Variants in GABRG2 observed in about 807,000 individuals in gnomAD.
The protein encoded by GABRG2 is gamma-aminobutyric acid receptor subunit gamma-2.
A neutral mutation model predicts 56.4 loss-of-function variants in GABRG2; 16 were observed. That is an observed-to-expected ratio of 0.28 (90% CI 0.19 to 0.43). The LOEUF (loss-of-function observed/expected upper bound fraction) is 0.43. GABRG2 is among the 20% of genes least tolerant of loss of function. The probability of loss-of-function intolerance (pLI) is 1.00; values close to 1 mark genes in which losing one functional copy is unlikely to be tolerated. For missense variants in GABRG2, 327 were observed against 582.7 expected, an observed-to-expected ratio of 0.56 and a Z score of 4.52; for synonymous variants, 208 against 205.5, an observed-to-expected ratio of 1.01 and a Z score of -0.10.
chr5:162,139,288 CT>C (rs2113581331), intron 6 of GABRG2, among the ~76,000 whole-genome samples: 1 of 152,232 alleles, frequency 6.6e-6, no homozygotes, highest in South Asian at 2.1e-4. Context: ...GCATTTAAAC[CT>C]TTTGGGCTTG....
intron 9 of GABRG2, chr5:162,152,385 A>G (rs1236274426): frequency 2.4e-6 from 1 of 423,378 alleles, no homozygotes; most frequent in Admixed American, 2.6e-5. Context: ...CCAAATTAAC[A>G]TTAAATATAT....
intron 6 of GABRG2, among the ~76,000 whole-genome samples, chr5:162,118,796 T>C (rs2113468678): frequency 6.6e-6 from 1 of 152,244 alleles, no homozygotes; most frequent in South Asian, 2.1e-4. Context: ...TCTAGGGTAT[T>C]ATTAAAGCGA....
At position 162,093,942 on chromosome 5, in the gene GABRG2, G is replaced by A. The variant is rs1433283612; in HGVS notation, c.222G>A (p.Leu74=). The A allele has an allele frequency of 6.2e-7, 1 of 1,613,308 alleles. No homozygotes were observed. The highest frequency in any genetic ancestry group is 1.1e-5 in the South Asian group (1 of 91,076). ...TCACTGTCATCTTAAACAACCTGCTGGAAGGATATGACAATAAACTTCGGC... is the reference window on the plus strand; with the variant it reads ...TCACTGTCATCTTAAACAACCTGCTAGAAGGATATGACAATAAACTTCGGC... The part of the protein sequence containing the change: ...GDVTVILNNL[L]EGYDNKLRPD... The change falls in exon 2 of 10, where the codon CTG becomes CTA. Residue 74 remains leucine (L), a synonymous_variant. Transcript: ENST00000639213.
chr5:162,122,270 G>A (rs1315075672), intron 6 of GABRG2, among the ~76,000 whole-genome samples: 2 of 151,796 alleles, frequency 1.3e-5, no homozygotes, highest in Non-Finnish European at 2.9e-5. Context: ...ATACTTAAAC[G>A]CAATTCATAG....
chr5:162,147,355 CTCTT>C (rs1268904567), intron 7 of GABRG2, among the ~76,000 whole-genome samples: 3 of 147,588 alleles, frequency 2.0e-5, no homozygotes, highest in Non-Finnish European at 3.0e-5. Context: ...TCCTCTGTCT[CTCTT>C]TCTGTCTGTC....
chr5:162,148,475 A>G (rs1765121744), intron 7 of GABRG2, among the ~76,000 whole-genome samples: 1 of 152,216 alleles, frequency 6.6e-6, no homozygotes, highest in Admixed American at 6.5e-5. Context: ...TCACTTACAC[A>G]TAACCCACCT....
intron 1 of GABRG2, among the ~76,000 whole-genome samples, chr5:162,082,113 C>G (rs1467358430): frequency 6.6e-6 from 1 of 151,678 alleles, no homozygotes; most frequent in African/African-American, 2.4e-5. Context: ...ATGTGTTCTG[C>G]CTTGATACTA....
At chr5:162,134,556 CAT>C in intron 6 of GABRG2, among the ~76,000 whole-genome samples, 1 of 152,270 alleles carries the variant, frequency 6.6e-6, no homozygotes, top group East Asian at 1.9e-4. Context: ...GACTCAGAGA[CAT>C]AGAAAAGTTG....
chr5:162,143,817 G>C (rs1764758703), intron 7 of GABRG2, among the ~76,000 whole-genome samples: 1 of 152,106 alleles, frequency 6.6e-6, no homozygotes, highest in South Asian at 2.1e-4. Context: ...AAATAGTAAA[G>C]CCTCAGAAAT....
chr5:162,154,091 T>C lies in GABRG2; in HGVS notation c.*723T>C, dbSNP rs1765560530. On this transcript the variant is annotated 3_prime_UTR_variant, in exon 10 of 10. Coordinates refer to ENST00000639213, the MANE Select transcript of GABRG2 (RefSeq NM_198904.4). ...GGAGGGAGGAATTTTCATTGCCTTC[T>C]CCCTCATGCATGAAGATTCGAACAG... 1 of 152,450 alleles carries C rather than the reference T, an allele frequency of 6.6e-6. No individual in the cohort carries two copies. Among genetic ancestry groups the C allele is most frequent in the South Asian group, 2.1e-4 (1 of 4,826 alleles). The allele number at this position is 152,450 out of a possible 1,614,324, so 9.4% of individuals were successfully genotyped here.
chr5:162,074,901 T>C (rs1393473347), intron 1 of GABRG2, among the ~76,000 whole-genome samples: 1 of 149,654 alleles, frequency 6.7e-6, no homozygotes, highest in Non-Finnish European at 1.5e-5. Flanking sequence ...GAGATAAGAA[T>C]TGGCCTCTTA....
intron 1 of GABRG2, among the ~76,000 whole-genome samples, chr5:162,073,501 T>C (rs1373102649): frequency 6.6e-6 from 1 of 151,874 alleles, no homozygotes; most frequent in Non-Finnish European, 1.5e-5. Flanking sequence ...TGTCCTCCAG[T>C]TTTCTTACAA....
intron 6 of GABRG2, among the ~76,000 whole-genome samples, chr5:162,126,020 A>G (rs1763320651): frequency 6.6e-6 from 1 of 151,994 alleles, no homozygotes; most frequent in Non-Finnish European, 1.5e-5. Flanking sequence ...ATGAAATAGT[A>G]TGGAGGTCAA....
At chr5:162,069,606 G>T (rs1030432866) in intron 1 of GABRG2, among the ~76,000 whole-genome samples, 3 of 152,172 alleles carry the variant, frequency 2.0e-5, no homozygotes, top group East Asian at 3.9e-4. Flanking sequence ...CAGAGAGAGG[G>T]TCTGCTTAAC....
rs180906714 is a variant in GABRG2, at chr5:162,105,587, G to A, written c.769+1561G>A. ...TGGGACTACAGGCGCCCACCACCAC[G>A]CCTGGCTAATTTTTTGTATTTTTTA... is the stretch of plus-strand genomic sequence containing the variant. On this transcript the variant is annotated intron_variant, in intron 6 of 9. Coordinates refer to ENST00000639213, the MANE Select transcript of GABRG2 (RefSeq NM_198904.4). Among the ~76,000 whole-genome samples the A allele has an allele frequency of 5.1e-3, 776 of 151,526 alleles. 6 individuals are homozygous for A. Among genetic ancestry groups the A allele is most frequent in the African/African-American group, 0.017 (698 of 41,298 alleles).
chr5:162,102,525 G>A, intron 5 of GABRG2: 1 of 453,858 alleles, frequency 2.2e-6, no homozygotes, highest in Non-Finnish European at 4.4e-6. Flanking sequence ...TGTTGTTGTT[G>A]TTGTTTTGTT....
chr5:162,151,846 A>AATGCTTAAATGTCTACT, intron 9 of GABRG2, 93 bp downstream of exon 9: 1 of 1,111,322 alleles, frequency 9.0e-7, no homozygotes, highest in Non-Finnish European at 1.4e-6. Flanking sequence ...TTATGAGTAG[A>AATGCTTAAATGTCTACT]CATTTAAGCA....
intron 6 of GABRG2, among the ~76,000 whole-genome samples, chr5:162,117,586 G>T (rs1020940446): frequency 1.3e-5 from 2 of 152,028 alleles, no homozygotes; most frequent in Non-Finnish European, 2.9e-5. Context: ...CTTTAATGAA[G>T]CATTCTTAAT....
At chr5:162,113,936 GC>G (rs1215396646) in intron 6 of GABRG2, among the ~76,000 whole-genome samples, 3 of 152,140 alleles carry the variant, frequency 2.0e-5, no homozygotes, top group Admixed American at 6.6e-5. Context: ...TAAAGACCAA[GC>G]CCAGTTGTAA....
Sources: allele counts gnomAD v4.1 joint callset (sites outside exome capture counted in the v4.1 genomes callset), GRCh38; gene constraint gnomAD v4.1.1; transcripts MANE v1.5; gene names NCBI Gene and HGNC (gene_info 2026-07-23, HGNC 2026-07-21).